The following GPC5 variants were observed in gnomAD, a reference collection of about 807,000 sequenced individuals.
GPC5 encodes the protein glypican 5, also known as glypican-5.
In GPC5, 47 loss-of-function variants were observed where a neutral mutation model predicts 53.9. The ratio of observed to expected loss-of-function variants is 0.87; its 90% confidence interval spans 0.69 to 1.11. The LOEUF (loss-of-function observed/expected upper bound fraction) is 1.11. Among genes scored for constraint, GPC5 ranks in the 50% most tolerant of loss-of-function variants. The pLI, the probability that GPC5 is intolerant of heterozygous loss-of-function variation, is 0.00. For synonymous variants in GPC5, 286 were observed against 263.3 expected (o/e 1.09, Z -0.84); for missense variants, 748 against 713.1 (o/e 1.05, Z -0.56).
intron 2 of GPC5, 61 bp downstream of exon 2, chr13:91,448,983 A>G: frequency 1.3e-6 from 2 of 1,532,722 alleles, no homozygotes; most frequent in South Asian, 2.5e-5. Context: ...TGCCTAAGAT[A>G]GTTACGTTGG....
chr13:92,463,985 G>C, intron 7 of GPC5, among the ~76,000 whole-genome samples: 1 of 152,118 alleles, frequency 6.6e-6, no homozygotes, highest in Non-Finnish European at 1.5e-5. Flanking sequence ...GGAGGTGTGA[G>C]AATAGCTATT....
At chr13:92,622,015 T>A (rs1884887641) in intron 7 of GPC5, among the ~76,000 whole-genome samples, 1 of 152,128 alleles carries the variant, frequency 6.6e-6, no homozygotes, top group South Asian at 2.1e-4. Context: ...GACTAATGCT[T>A]TCAGTACCTT....
intron 7 of GPC5, among the ~76,000 whole-genome samples, chr13:92,153,572 A>G (rs149241249): frequency 2.0e-5 from 3 of 152,224 alleles, no homozygotes; most frequent in Non-Finnish European, 4.4e-5. Context: ...GTTGTTCTAA[A>G]CCATCTGGAA....
intron 6 of GPC5, among the ~76,000 whole-genome samples, chr13:92,034,802 T>C (rs1352303057): frequency 1.3e-5 from 2 of 152,134 alleles, no homozygotes; most frequent in East Asian, 3.9e-4. Context: ...AGCGTAACAT[T>C]ATGTAACTCT....
At chr13:91,901,161 C>A (rs2039493818) in intron 5 of GPC5, among the ~76,000 whole-genome samples, 1 of 151,808 alleles carries the variant, frequency 6.6e-6, no homozygotes, top group African/African-American at 2.4e-5. Flanking sequence ...ATATAAATAA[C>A]AATAAAGATC....
At position 91,901,078 on chromosome 13, in the gene GPC5, A is replaced by G. The variant is rs183571446; in HGVS notation, c.1281-6859A>G. On this transcript the variant is annotated intron_variant, in intron 5 of 7. Transcript: ENST00000377067. ...TTTCAGGTTGGTTGCTGTACAAAGC[A>G]TGATAATATCTTTATTAATGTTAAT... Among the ~76,000 whole-genome samples, 584 of 152,170 alleles carry G rather than the reference A, an allele frequency of 3.8e-3. 4 individuals carry two copies. Among genetic ancestry groups the G allele is most frequent in the African/African-American group, 0.013 (554 of 41,548 alleles).
intron 6 of GPC5, among the ~76,000 whole-genome samples, chr13:92,130,136 G>A (rs537543034): frequency 4.9e-4 from 75 of 152,118 alleles, no homozygotes; most frequent in Admixed American, 1.6e-3. Flanking sequence ...AACATGCTGA[G>A]GGGCAAATTT....
intron 5 of GPC5, among the ~76,000 whole-genome samples, chr13:91,847,658 T>G (rs928878545): frequency 1.3e-5 from 2 of 152,196 alleles, no homozygotes; most frequent in African/African-American, 4.8e-5. Flanking sequence ...TTAAAATATG[T>G]ATTTAGTAAA....
At chr13:92,078,300 A>T (rs1293793817) in intron 6 of GPC5, among the ~76,000 whole-genome samples, 1 of 152,180 alleles carries the variant, frequency 6.6e-6, no homozygotes. Flanking sequence ...CTTTATTCTG[A>T]GCGCCATTTT....
intron 7 of GPC5, among the ~76,000 whole-genome samples, chr13:92,660,513 G>A (rs557631435): frequency 6.6e-6 from 1 of 151,484 alleles, no homozygotes; most frequent in South Asian, 2.1e-4. Flanking sequence ...GCACATATGT[G>A]AACACAAATT....
intron 5 of GPC5, among the ~76,000 whole-genome samples, chr13:91,865,567 A>G (rs909166257): frequency 6.6e-6 from 1 of 152,162 alleles, no homozygotes; most frequent in Non-Finnish European, 1.5e-5. Context: ...TTTTCTTACA[A>G]GTTAAAACCT....
At chr13:91,550,587 G>A (rs1484444403) in intron 2 of GPC5, among the ~76,000 whole-genome samples, 2 of 152,142 alleles carry the variant, frequency 1.3e-5, no homozygotes, top group Admixed American at 6.6e-5. Flanking sequence ...TTGTGGATAG[G>A]AAGTAGAGTG....
chr13:92,058,469 T>A (rs918119430), intron 6 of GPC5, among the ~76,000 whole-genome samples: 2 of 152,140 alleles, frequency 1.3e-5, no homozygotes, highest in African/African-American at 4.8e-5. Context: ...CACACCAGAG[T>A]GGTACATTTT....
rs540653284 is a variant in GPC5 at position 91,980,372 on chromosome 13, A to G, written c.1401+72315A>G. On this transcript the variant is annotated intron_variant, in intron 6 of 7. Transcript: ENST00000377067. ...TCTTTTTATTGAGTTTCAAGTTAGA[A>G]TAATACAGTGCACAGTCTTAACTTT... Among the ~76,000 whole-genome samples, 48 of 152,294 alleles carry G rather than the reference A, an allele frequency of 3.2e-4. No individual in the cohort carries two copies. The South Asian group carries it at 9.3e-3, about 30-fold the overall frequency.
chr13:92,463,671 T>C (rs1878581407), intron 7 of GPC5, among the ~76,000 whole-genome samples: 1 of 152,148 alleles, frequency 6.6e-6, no homozygotes, highest in Non-Finnish European at 1.5e-5. Context: ...CCTTGTAACA[T>C]AGATACATAA....
intron 7 of GPC5, among the ~76,000 whole-genome samples, chr13:92,188,105 A>G (rs995627319): frequency 1.2e-4 from 18 of 152,130 alleles, no homozygotes; most frequent in African/African-American, 4.3e-4. Flanking sequence ...AAATAAATCA[A>G]TCATTACTGC....
intron 7 of GPC5, among the ~76,000 whole-genome samples, chr13:92,670,414 A>T (rs913727531): frequency 6.6e-6 from 1 of 152,224 alleles, no homozygotes; most frequent in African/African-American, 2.4e-5. Flanking sequence ...TTCTTGGCAG[A>T]GGGCTGAAGA....
At chr13:92,602,863 A>G (rs1356364071) in intron 7 of GPC5, among the ~76,000 whole-genome samples, 2 of 152,156 alleles carry the variant, frequency 1.3e-5, no homozygotes, top group African/African-American at 4.8e-5. Flanking sequence ...TTTTTCAACA[A>G]GAAGATACAA....
At chr13:92,592,142 T>C (rs941086011) in intron 7 of GPC5, among the ~76,000 whole-genome samples, 1 of 152,244 alleles carries the variant, frequency 6.6e-6, no homozygotes, top group African/African-American at 2.4e-5. Context: ...ATTGCTCCTG[T>C]CAACCCATGT....
Sources: gnomAD v4.1 joint callset for allele counts (sites outside exome capture counted in the v4.1 genomes callset) on GRCh38, gnomAD v4.1.1 for gene constraint, MANE v1.5 for transcripts, NCBI Gene and HGNC (gene_info 2026-07-23, HGNC 2026-07-21) for gene names.